Variants in RBFOX1 observed in about 807,000 individuals in gnomAD.
RBFOX1 encodes the protein RNA binding protein fox-1 homolog 1.
RBFOX1 carries 8 observed loss-of-function variants against 57.7 expected under a neutral mutation model. That is an observed-to-expected ratio of 0.14 (90% CI 0.08 to 0.25). RBFOX1 has a LOEUF of 0.25. RBFOX1 is among the 10% of genes least tolerant of loss of function. The pLI is 1.00. For missense variants in RBFOX1, 611 were observed against 548.5 expected, an observed-to-expected ratio of 1.11 and a Z score of -1.14; for synonymous variants, 326 against 222.4, an observed-to-expected ratio of 1.47 and a Z score of -4.15.
At chr16:5,301,111 G>A (rs1212895724) in intron 1 of RBFOX1, among the ~76,000 whole-genome samples, 1 of 152,178 alleles carries the variant, frequency 6.6e-6, no homozygotes, top group Admixed American at 6.5e-5. Flanking sequence ...TGGAGAAAAT[G>A]ATGGGATGTT....
chr16:5,705,145 T>C (rs1944541562), intron 3 of RBFOX1, among the ~76,000 whole-genome samples: 1 of 152,228 alleles, frequency 6.6e-6, no homozygotes, highest in African/African-American at 2.4e-5. Flanking sequence ...ATTTGGTTCC[T>C]GCAACCTTTG....
chr16:5,603,507 G>A (rs542859214), downstream of RBFOX1, among the ~76,000 whole-genome samples: 1 of 152,178 alleles, frequency 6.6e-6, no homozygotes, highest in Non-Finnish European at 1.5e-5. Flanking sequence ...CTGGGAACCT[G>A]TGTCTTAGAT....
chr16:6,359,012 C>T (rs529468545), intron 2 of RBFOX1, among the ~76,000 whole-genome samples: 1 of 152,292 alleles, frequency 6.6e-6, no homozygotes, highest in East Asian at 1.9e-4. Flanking sequence ...GTTTGAGTTC[C>T]TTCCAAAACC....
chr16:6,895,418 A>ATGTGTGTGTGTGTG (rs139075559), intron 3 of RBFOX1, among the ~76,000 whole-genome samples: 2 of 86,932 alleles, frequency 2.3e-5, no homozygotes, highest in African/African-American at 8.9e-5. Flanking sequence ...TTAGTAATAT[A>ATGTGTGTGTGTGTG]TGTGTGTGTG....
intron 3 of RBFOX1, among the ~76,000 whole-genome samples, chr16:6,963,761 C>A (rs556637427): frequency 6.6e-6 from 1 of 151,940 alleles, no homozygotes; most frequent in African/African-American, 2.4e-5. Context: ...TGCATTGGCG[C>A]GATCTCGGCT....
chr16:7,063,408 T>A (rs1021646317), intron 4 of RBFOX1, among the ~76,000 whole-genome samples: 1 of 152,188 alleles, frequency 6.6e-6, no homozygotes, highest in African/African-American at 2.4e-5. Context: ...CACATGTCTC[T>A]CTGCCAACTT....
At chr16:5,662,673 G>A (rs74004460) in intron 3 of RBFOX1, among the ~76,000 whole-genome samples, 3 of 152,142 alleles carry the variant, frequency 2.0e-5, no homozygotes, top group East Asian at 1.9e-4. Context: ...GAAATATGGA[G>A]AATTGTGTGG....
chr16:6,754,695 G>A (rs1278944671), intron 3 of RBFOX1, among the ~76,000 whole-genome samples: 1 of 151,832 alleles, frequency 6.6e-6, no homozygotes, highest in Non-Finnish European at 1.5e-5. Flanking sequence ...TGCAGGAAAT[G>A]GAATGTTGTT....
At chr16:6,112,555 G>A (rs1282714628) in intron 1 of RBFOX1, among the ~76,000 whole-genome samples, 1 of 152,162 alleles carries the variant, frequency 6.6e-6, no homozygotes, top group Non-Finnish European at 1.5e-5. Context: ...GCTGTGCATG[G>A]TGGTGCATGC....
chr16:6,725,913 C>A (rs1568366869), intron 3 of RBFOX1, among the ~76,000 whole-genome samples: 5 of 152,074 alleles, frequency 3.3e-5, no homozygotes, highest in Admixed American at 6.6e-5. Flanking sequence ...TTGATATTGT[C>A]CCCTGTATCT....
intron 1 of RBFOX1, among the ~76,000 whole-genome samples, chr16:6,195,015 A>T (rs1204967428): frequency 6.6e-6 from 1 of 152,168 alleles, no homozygotes. Context: ...TGAAGTCTGC[A>T]TTACTCTAGG....
chr16:5,640,191 C>G (rs2048812539), intron 3 of RBFOX1, among the ~76,000 whole-genome samples: 1 of 152,178 alleles, frequency 6.6e-6, no homozygotes, highest in South Asian at 2.1e-4. Context: ...CAGCATTGCT[C>G]TCTGGAGGAC....
intron 1 of RBFOX1, among the ~76,000 whole-genome samples, chr16:6,073,947 G>A (rs2095865425): frequency 1.3e-5 from 2 of 152,028 alleles, no homozygotes; most frequent in African/African-American, 4.8e-5. Flanking sequence ...TCAGTGTAGT[G>A]AAGGTTCTTT....
intron 3 of RBFOX1, among the ~76,000 whole-genome samples, chr16:6,966,765 A>T (rs112169389): frequency 1.4e-4 from 3 of 22,040 alleles, no homozygotes; most frequent in Non-Finnish European, 3.7e-4. Flanking sequence ...CTGTCTGTCT[A>T]TCTATCTATC....
intron 1 of RBFOX1, among the ~76,000 whole-genome samples, chr16:5,453,013 A>G (rs1044175577): frequency 3.9e-5 from 6 of 152,094 alleles, no homozygotes; most frequent in Admixed American, 1.3e-4. Context: ...GCATTTCAGT[A>G]TATCCTCCTG....
intron 6 of RBFOX1, among the ~76,000 whole-genome samples, chr16:7,585,815 ACT>A (rs2094085962): frequency 6.6e-6 from 1 of 151,908 alleles, no homozygotes; most frequent in South Asian, 2.1e-4. Flanking sequence ...CTTGACATTC[ACT>A]CTCTGTGTCT....
At position 7,518,388 on chromosome 16, in the gene RBFOX1, C is replaced by G; in HGVS notation, c.269C>G (p.Thr90Arg). The change falls in exon 5 of 16, where the codon ACA becomes AGA. Residue 90 changes from threonine (T) to arginine (R), a missense_variant and splice_region_variant. This residue lies in a region of RBFOX1 where 245 missense variants were observed against 159.1 expected (regional missense o/e 1.54). Coordinates refer to ENST00000550418, the MANE Select transcript of RBFOX1 (RefSeq NM_018723.4). ...GCTCAGACCGTCTCTGGCACCGCCA[C>G]AGTAAGTGGACGTGTTTGCTACGGG... ...TSAQTVSGTA[T>R]QTDDAAPTDG... The G allele has an allele frequency of 6.2e-7, 1 of 1,608,404 alleles. No homozygotes were observed. The highest frequency in any genetic ancestry group is 8.5e-7 in the Non-Finnish European group (1 of 1,176,238).
At chr16:6,897,799 A>C (rs951034132) in intron 3 of RBFOX1, among the ~76,000 whole-genome samples, 1 of 152,260 alleles carries the variant, frequency 6.6e-6, no homozygotes, top group African/African-American at 2.4e-5. Flanking sequence ...GTCTCAAAAA[A>C]TAAAAAAAGG....
intron 4 of RBFOX1, among the ~76,000 whole-genome samples, chr16:7,356,114 C>CT (rs1219904041): frequency 3.3e-5 from 5 of 152,184 alleles, no homozygotes. Flanking sequence ...ATTGTCATCA[C>CT]TTATAAGGTC....
Sources: gnomAD v4.1 joint callset for allele counts (sites outside exome capture counted in the v4.1 genomes callset) on GRCh38, gnomAD v4.1.1 for gene constraint, gnomAD v4.1.1 regional missense constraint, MANE v1.5 for transcripts, NCBI Gene and HGNC (gene_info 2026-07-23, HGNC 2026-07-21) for gene names.